Variants in ATRNL1 observed in about 807,000 individuals in gnomAD.
ATRNL1 encodes attractin like 1.
ATRNL1 carries 95 observed loss-of-function variants against 182.7 expected under a neutral mutation model. The ratio of observed to expected loss-of-function variants is 0.52; its 90% CI spans 0.44 to 0.62. The LOEUF is 0.62. Among genes scored for constraint, ATRNL1 ranks in the 20% least tolerant of loss-of-function variants. ATRNL1 has a pLI of 0.00. For synonymous variants in ATRNL1, 576 were observed against 568.3 expected (o/e 1.01, Z -0.19); for missense variants, 1,471 against 1,679.5 (o/e 0.88, Z 2.17).
At chr10:115,369,781 G>A (rs1228611669) in intron 19 of ATRNL1, among the ~76,000 whole-genome samples, 3 of 152,162 alleles carry the variant, frequency 2.0e-5, no homozygotes, top group Non-Finnish European at 2.9e-5. Flanking sequence ...ACAGATGTGA[G>A]GTGGTATCTC....
At chr10:115,511,030 C>G (rs1456447500) in intron 24 of ATRNL1, among the ~76,000 whole-genome samples, 1 of 151,886 alleles carries the variant, frequency 6.6e-6, no homozygotes, top group Non-Finnish European at 1.5e-5. Context: ...TAAACAATAT[C>G]CAAGGATTTA....
intron 28 of ATRNL1, among the ~76,000 whole-genome samples, chr10:115,942,669 A>G (rs1953765058): frequency 6.6e-6 from 1 of 152,376 alleles, no homozygotes; most frequent in East Asian, 1.9e-4. Context: ...TCTGAAAATG[A>G]TCTTCCTCTA....
chr10:115,724,993 G>A (rs1040192966), intron 26 of ATRNL1, among the ~76,000 whole-genome samples: 1 of 152,114 alleles, frequency 6.6e-6, no homozygotes, highest in Non-Finnish European at 1.5e-5. Context: ...TCTCTAACTA[G>A]TCTTCTACTA....
At chr10:115,735,032 G>A (rs2134081313) in intron 27 of ATRNL1, among the ~76,000 whole-genome samples, 1 of 152,102 alleles carries the variant, frequency 6.6e-6, no homozygotes, top group East Asian at 1.9e-4. Context: ...TAAGTTCTAT[G>A]AGTTTTGTCA....
intron 25 of ATRNL1, among the ~76,000 whole-genome samples, chr10:115,543,695 CTA>C (rs1852487402): frequency 6.6e-6 from 1 of 152,080 alleles, no homozygotes; most frequent in African/African-American, 2.4e-5. Context: ...TTATAGCACA[CTA>C]TGTTACTTAT....
At chr10:115,802,051 A>ACACACACACACAAC (rs1412039169) in intron 27 of ATRNL1, among the ~76,000 whole-genome samples, 2 of 11,218 alleles carry the variant, frequency 1.8e-4, no homozygotes, top group South Asian at 2.0e-3. Context: ...CACACAAAAC[A>ACACACACACACAAC]AAAAAAAACA....
At chr10:115,410,111 G>A (rs926453648) in intron 20 of ATRNL1, among the ~76,000 whole-genome samples, 1 of 151,976 alleles carries the variant, frequency 6.6e-6, no homozygotes, top group African/African-American at 2.4e-5. Context: ...TTTATATATT[G>A]TTGGATTTGA....
chr10:115,350,889 C>T (rs2134122984), intron 19 of ATRNL1, among the ~76,000 whole-genome samples: 1 of 152,050 alleles, frequency 6.6e-6, no homozygotes, highest in East Asian at 1.9e-4. Context: ...ATTTGTTCTT[C>T]CAACTTATGA....
At chr10:115,309,545 G>T (rs1415282240) in intron 17 of ATRNL1, among the ~76,000 whole-genome samples, 1 of 152,020 alleles carries the variant, frequency 6.6e-6, no homozygotes, top group African/African-American at 2.4e-5. Context: ...TGTAAAAGGG[G>T]TTGAGTTCTT....
intron 15 of ATRNL1, among the ~76,000 whole-genome samples, chr10:115,287,967 G>T (rs2133943006): frequency 8.0e-6 from 1 of 124,450 alleles, no homozygotes; most frequent in East Asian, 2.5e-4. Context: ...TTATGAATGA[G>T]AACACAGGGT....
chr10:115,736,491 T>C (rs1947955364), intron 27 of ATRNL1, among the ~76,000 whole-genome samples: 1 of 152,176 alleles, frequency 6.6e-6, no homozygotes, highest in East Asian at 1.9e-4. Context: ...ATTTTTACGT[T>C]GTATCTGATC....
chr10:115,855,878 A>T (rs2134377624), intron 28 of ATRNL1, among the ~76,000 whole-genome samples: 1 of 152,352 alleles, frequency 6.6e-6, no homozygotes, highest in East Asian at 1.9e-4. Context: ...TTTCCAATGT[A>T]GCATGTCTGA....
intron 28 of ATRNL1, among the ~76,000 whole-genome samples, chr10:115,936,083 A>G (rs1555122774): frequency 6.6e-6 from 1 of 152,214 alleles, no homozygotes; most frequent in African/African-American, 2.4e-5. Flanking sequence ...ATTTCAACCC[A>G]TGGTAGACAT....
intron 28 of ATRNL1, among the ~76,000 whole-genome samples, chr10:115,935,685 C>T (rs1358586479): frequency 1.3e-5 from 2 of 152,058 alleles, no homozygotes; most frequent in African/African-American, 4.8e-5. Context: ...CTTCCTGACC[C>T]ACTTCAACAG....
intron 24 of ATRNL1, among the ~76,000 whole-genome samples, chr10:115,470,702 T>G (rs1554971955): frequency 6.6e-6 from 1 of 150,592 alleles, no homozygotes; most frequent in African/African-American, 2.4e-5. Context: ...TTTTGAGAAC[T>G]TACTCTTTTG....
At chr10:115,794,038 T>G (rs1949591714) in intron 27 of ATRNL1, among the ~76,000 whole-genome samples, 1 of 152,150 alleles carries the variant, frequency 6.6e-6, no homozygotes, top group Admixed American at 6.5e-5. Flanking sequence ...AGTTATTGGC[T>G]CTCAGCCAGT....
intron 27 of ATRNL1, among the ~76,000 whole-genome samples, chr10:115,780,907 T>TGA (rs1236170930): frequency 6.6e-6 from 1 of 152,090 alleles, no homozygotes; most frequent in Admixed American, 6.5e-5. Context: ...GCGGCTACAG[T>TGA]GAGAGACTTC....
intron 10 of ATRNL1, 53 bp downstream of exon 10, chr10:115,241,778 T>C: frequency 6.8e-7 from 1 of 1,470,926 alleles, no homozygotes; most frequent in Non-Finnish European, 9.4e-7. Flanking sequence ...ATTTTCCATA[T>C]AGATATTCTC....
intron 17 of ATRNL1, among the ~76,000 whole-genome samples, chr10:115,304,862 T>C (rs1853649394): frequency 6.6e-6 from 1 of 152,176 alleles, no homozygotes; most frequent in African/African-American, 2.4e-5. Flanking sequence ...ATGGCTTGCA[T>C]ATGCATACTA....
Sources: allele counts gnomAD v4.1 joint callset (sites outside exome capture counted in the v4.1 genomes callset), GRCh38; gene constraint gnomAD v4.1.1; transcripts MANE v1.5; gene names NCBI Gene and HGNC (gene_info 2026-07-23, HGNC 2026-07-21).